LRP1: variants seen among roughly 807,000 people sequenced by gnomAD.
LRP1 encodes LDL receptor related protein 1.
In LRP1, 51 loss-of-function variants were observed where a neutral mutation model predicts 541.5. The observed-to-expected ratio is 0.09, with a 90% CI of 0.08 to 0.12. LRP1 has a LOEUF of 0.12. LRP1 is among the 10% of genes least tolerant of loss of function. The pLI is 1.00. For synonymous variants in LRP1, 2,219 were observed against 2,470.8 expected (o/e 0.90, Z 3.02); for missense variants, 3,878 against 6,376.2 (o/e 0.61, Z 13.34).
rs777916327 is a variant in LRP1, at chr12:57,154,394, G to A, written c.1004+24G>A. The A allele has an allele frequency of 5.6e-6, 9 of 1,602,572 alleles. No individual in the cohort carries two copies. Among genetic ancestry groups the A allele is most frequent in the Non-Finnish European group, 7.7e-6 (9 of 1,171,338 alleles). On this transcript the variant is annotated intron_variant, in intron 7 of 88. Coordinates refer to ENST00000243077, the MANE Select transcript of LRP1 (RefSeq NM_002332.3). This position sits in a 1 kb window ranked among gnomAD's most constrained non-coding sequence, Gnocchi z 4.6. ...GGGTGAGAGTGGCAGGCGGGGTTCT[G>A]GCCCTGGAAGGTGGGAGGCTGAGGC...
In LRP1 at chr12:57,211,059, C is replaced by A; in HGVS notation, c.12917-117C>A. On this transcript the variant is annotated intron_variant, in intron 83 of 88. Coordinates refer to ENST00000243077, the MANE Select transcript of LRP1 (RefSeq NM_002332.3). This position sits in a 1 kb window ranked among gnomAD's most constrained non-coding sequence, Gnocchi z 4.3. ...CCCCACAAAGGTGCTGGCACACTTC[C>A]CCTGAGGCAGTGCACCCCCTGCACC... 1.4e-6 allele frequency: 2 copies of A among 1,395,838 alleles called. No individual in the cohort carries two copies. The highest frequency in any genetic ancestry group is 9.8e-7 in the Non-Finnish European group (1 of 1,016,768). The allele number at this position is 1,395,838 out of a possible 1,614,324, so 86.5% of individuals were successfully genotyped here.
chr12:57,167,497 A>G lies in LRP1; in HGVS notation c.2968A>G (p.Ile990Val), dbSNP rs377020486. 1.9e-6 allele frequency: 3 copies of G among 1,614,014 alleles called. No homozygotes were observed. The highest frequency in any genetic ancestry group is 2.5e-6 in the Non-Finnish European group (3 of 1,179,986). Residue 990 changes from isoleucine (I) to valine (V), a missense_variant, in exon 19 of 89, where the codon ATC becomes GTC. Ile to Val is a conservative substitution (Grantham distance 29). This residue lies in a region of LRP1 where 320 missense variants were observed against 547.9 expected (regional missense o/e 0.58). Transcript: ENST00000243077. ...GTTTACCTGCAACAATGGCAGATGT[A>G]TCAACATCAACTGGAGATGCGACAA... ...TQFTCNNGRC[I>V]NINWRCDNDN... is the part of the protein sequence containing the mutation.
Position 57,158,211 on chromosome 12 carries a change from G to A in LRP1, c.1562-191G>A, listed in dbSNP as rs576825204. The stretch of plus-strand genomic sequence containing the variant: ...TGGAGTGCAGAGGTCAGACCCCAGG[G>A]TATTGCGGCCAGGACCCATCGTCCT... On this transcript the variant is annotated intron_variant, in intron 10 of 88. Transcript: ENST00000243077. This position sits in a 1 kb window ranked among gnomAD's most constrained non-coding sequence, Gnocchi z 5.3. 2.0e-5 allele frequency among the ~76,000 whole-genome samples: 3 copies of A among 152,166 alleles called. No individual in the cohort carries two copies. Among genetic ancestry groups the A allele is most frequent in the African/African-American group, 7.2e-5 (3 of 41,444 alleles).
chr12:57,210,246 T>C, intron 81 of LRP1, 61 bp from the exon 82 acceptor site: 1 of 1,548,578 alleles, frequency 6.5e-7, no homozygotes, highest in Non-Finnish European at 8.7e-7. Flanking sequence ...CCCCTGACCT[T>C]GTTGCCTGTC....
rs1489939002 is a variant in LRP1 at position 57,173,944 on chromosome 12, G to A, written c.3511G>A (p.Asp1171Asn). The change falls in exon 22 of 89, where the codon GAC (aspartate) becomes AAC (asparagine). Residue 1171 changes from aspartate to asparagine, a missense_variant. By Grantham distance (23) the Asp-to-Asn change is conservative. Around this residue, in one of 13 missense-constraint regions of LRP1, gnomAD observed 320 missense variants for 547.9 expected, o/e 0.58. Transcript: ENST00000243077. The surrounding 1 kb of genome is among the most constrained non-coding windows in gnomAD (Gnocchi z 4.7). ...PPDKLCDGND[D>N]CGDGSDEGEL... is the part of the protein sequence containing the mutation. ...TGACAAGCTGTGTGATGGCAACGAC[G>A]ACTGTGGCGACGGCTCAGATGAGGG... 11 of 1,614,092 alleles carry A rather than the reference G, an allele frequency of 6.8e-6. No individual in the cohort carries two copies. The highest frequency in any genetic ancestry group is 1.6e-4 in the Middle Eastern group (1 of 6,084).
chr12:57,210,326 T>G lies in LRP1; in HGVS notation c.12600T>G (p.Cys4200Trp). 1 of 1,566,718 alleles carries G rather than the reference T, an allele frequency of 6.4e-7. No individual in the cohort carries two copies. The highest frequency in any genetic ancestry group is 1.4e-5 in the African/African-American group (1 of 73,782). ...CTGCAGCTCCCCGGCCTGGAACCTG[T>G]AACCTGCAGTGCTTCAACGGTGGCA... ...PPPDAPRPGT[C>W]NLQCFNGGSC... Residue 4200 changes from cysteine (C) to tryptophan (W), a missense_variant, in exon 82 of 89, where the codon TGT becomes TGG. By Grantham distance (215) the Cys-to-Trp change is radical. Transcript: ENST00000243077.
chr12:57,192,589 A>G (rs1299629467), intron 44 of LRP1, among the ~76,000 whole-genome samples: 1 of 152,112 alleles, frequency 6.6e-6, no homozygotes, highest in East Asian at 1.9e-4. Flanking sequence ...TCTCTCAGAA[A>G]CACTCCTCAA....
At chr12:57,191,611 C>A in intron 44 of LRP1, 99 bp downstream of exon 44, 3 of 1,030,248 alleles carry the variant, frequency 2.9e-6, no homozygotes, top group South Asian at 1.5e-5. Flanking sequence ...CACACGCACC[C>A]TACACATACC....
In LRP1 at chr12:57,197,376, C is replaced by G; in HGVS notation, c.9154C>G (p.Leu3052Val). The G allele has an allele frequency of 6.2e-7, 1 of 1,612,730 alleles. No individual in the cohort carries two copies. The highest frequency in any genetic ancestry group is 8.5e-7 in the Non-Finnish European group (1 of 1,179,056). ...CCTGGACGGGTCCAACTACACGTTA[C>G]TTAAGCAGGTACCAAACCCAGGCCC... ...LNLDGSNYTL[L>V]KQGLNNAVAL... Residue 3052 changes from leucine (L) to valine (V), a missense_variant, in exon 57 of 89, where the codon CTT becomes GTT. By Grantham distance (32) the Leu-to-Val change is conservative. Around this residue, in one of 13 missense-constraint regions of LRP1, gnomAD observed 1,100 missense variants for 1,827.4 expected, o/e 0.60. Coordinates refer to ENST00000243077, the MANE Select transcript of LRP1 (RefSeq NM_002332.3). The surrounding 1 kb of genome is among the most constrained non-coding windows in gnomAD (Gnocchi z 4.5).
In LRP1 at chr12:57,158,272, C is replaced by A; in HGVS notation, c.1562-130C>A. ...GTGTGCGTGGTCTGTCCATCTGACC[C>A]AGAGCCTCGCATCCCTAACGTCTCC... On this transcript the variant is annotated intron_variant, in intron 10 of 88. Transcript: ENST00000243077. This position sits in a 1 kb window ranked among gnomAD's most constrained non-coding sequence, Gnocchi z 5.3. 1.3e-6 allele frequency: 1 copy of A among 753,176 alleles called. No homozygotes were observed. Among genetic ancestry groups the A allele is most frequent in the Non-Finnish European group, 2.2e-6 (1 of 447,318 alleles). The allele number at this position is 753,176 out of a possible 1,614,324, so 46.7% of individuals were successfully genotyped here. A position where few individuals can be genotyped will look rare whatever the true frequency, so the allele number is the denominator to read the frequency against.
In LRP1 at chr12:57,178,720, G is replaced by A. The variant is rs2036099608; in HGVS notation, c.4606+117G>A. ...ACAGGAGCAAGTCTGTGCTGGGATG[G>A]CAGGGGTAGGCCGGCTGTTGACAGA... On this transcript the variant is annotated intron_variant, in intron 27 of 88. Transcript: ENST00000243077. The surrounding 1 kb of genome is among the most constrained non-coding windows in gnomAD (Gnocchi z 5.8). 1 of 1,537,366 alleles carries A rather than the reference G, an allele frequency of 6.5e-7. No individual in the cohort carries two copies. The highest frequency in any genetic ancestry group is 1.8e-5 in the Admixed American group (1 of 55,662).
chr12:57,195,398 C>T lies in LRP1; in HGVS notation c.8436C>T (p.Cys2812=), dbSNP rs1277831322. 1 of 1,605,402 alleles carries T rather than the reference C, an allele frequency of 6.2e-7. No individual in the cohort carries two copies. The highest frequency in any genetic ancestry group is 8.5e-7 in the Non-Finnish European group (1 of 1,179,238). Reference sequence around the variant, plus strand: ...CAGACGAGAGCATCGCAGCTGGTTGCTGTGAGTGGCGGGGCCACGTGGAGC... The same window carrying T: ...CAGACGAGAGCATCGCAGCTGGTTGTTGTGAGTGGCGGGGCCACGTGGAGC... ...DGADESIAAG[C]LYNSTCDDRE... is the part of the protein sequence containing the mutation. The change falls in exon 52 of 89, where the codon TGC becomes TGT. Residue 2812 remains cysteine (C), a splice_region_variant and synonymous_variant. Coordinates refer to ENST00000243077, the MANE Select transcript of LRP1 (RefSeq NM_002332.3).
At position 57,195,794 on chromosome 12, in the gene LRP1, G is replaced by A. The variant is rs7979768; in HGVS notation, c.8560+14G>A. On this transcript the variant is annotated intron_variant, in intron 53 of 88. Transcript: ENST00000243077. ...CCCCCGAGTGTGGTGAGCCTTCGGCGGTGGTGGGAGGAGGCCCTGCCCTCT... is the reference window on the plus strand; with the variant it reads ...CCCCCGAGTGTGGTGAGCCTTCGGCAGTGGTGGGAGGAGGCCCTGCCCTCT... 1.1e-4 allele frequency: 184 copies of A among 1,614,124 alleles called. No individual in the cohort carries two copies. The highest frequency in any genetic ancestry group is 1.4e-4 in the Non-Finnish European group (162 of 1,180,012).
intron 76 of LRP1, among the ~76,000 whole-genome samples, chr12:57,207,237 G>A (rs1264818171): frequency 7.7e-6 from 1 of 130,436 alleles, no homozygotes; most frequent in Non-Finnish European, 1.6e-5. Flanking sequence ...AGTGAGACTC[G>A]GTCTCTAAAT....
At position 57,201,152 on chromosome 12, in the gene LRP1, C is replaced by T. The variant is rs1206863492; in HGVS notation, c.10344C>T (p.Cys3448=). The change falls in exon 65 of 89, where the codon TGC becomes TGT. Residue 3448 remains cysteine, a splice_region_variant and synonymous_variant. Transcript: ENST00000243077. The surrounding 1 kb of genome is among the most constrained non-coding windows in gnomAD (Gnocchi z 6.4). ...GAGATGGGGAGGATGAGAGGGACTG[C>T]CGTGAGTGTCAGAGGTGGTGGTGGG... The part of the protein sequence containing the change: ...NCGDGEDERD[C]PEVTCAPNQF... 2 of 1,614,014 alleles carry T rather than the reference C, an allele frequency of 1.2e-6. No homozygotes were observed. Among genetic ancestry groups the T allele is most frequent in the Admixed American group, 1.7e-5 (1 of 60,010 alleles).
chr12:57,163,964 A>G (rs2035790015), intron 15 of LRP1, among the ~76,000 whole-genome samples: 1 of 152,198 alleles, frequency 6.6e-6, no homozygotes, highest in Non-Finnish European at 1.5e-5. Flanking sequence ...TGAGGTCAGG[A>G]GTTCGAGACC....
In LRP1 at chr12:57,142,330, G is replaced by A. The variant is rs554302114; in HGVS notation, c.328+819G>A. 1.1e-4 allele frequency among the ~76,000 whole-genome samples: 16 copies of A among 152,264 alleles called. 1 individual carries two copies. In the South Asian group the frequency reaches 3.1e-3, roughly 30 times the overall value. On this transcript the variant is annotated intron_variant, in intron 3 of 88. Coordinates refer to ENST00000243077, the MANE Select transcript of LRP1 (RefSeq NM_002332.3). The stretch of plus-strand genomic sequence containing the variant: ...GAGAGGCCATGAGCGTAGCCCTAGG[G>A]GAGGGGCTGTGCTTGGGTGTGGGGG...
Position 57,201,022 on chromosome 12 carries a change from C to T in LRP1, c.10226-12C>T, listed in dbSNP as rs1290634699. 6.2e-7 allele frequency: 1 copy of T among 1,614,082 alleles called. No individual in the cohort carries two copies. The highest frequency in any genetic ancestry group is 1.1e-5 in the South Asian group (1 of 91,040). On this transcript the variant is annotated splice_polypyrimidine_tract_variant and intron_variant, in intron 64 of 88. Coordinates refer to ENST00000243077, the MANE Select transcript of LRP1 (RefSeq NM_002332.3). The surrounding 1 kb of genome is among the most constrained non-coding windows in gnomAD (Gnocchi z 6.4). ...TCCCTTCGCCACGAATCACCTCCTC[C>T]TCCCTCCACAGACATCCACGTCTGC...
chr12:57,205,728 G>A lies in LRP1; in HGVS notation c.11590+51G>A. On this transcript the variant is annotated intron_variant, in intron 75 of 88. Coordinates refer to ENST00000243077, the MANE Select transcript of LRP1 (RefSeq NM_002332.3). This position sits in a 1 kb window ranked among gnomAD's most constrained non-coding sequence, Gnocchi z 4.6. ...AGGCTGGGTGGGGCAGGGCGACCAG[G>A]ATATCAAACGGGGCCGACTTGGAAT... is the stretch of plus-strand genomic sequence containing the variant. 6.3e-7 allele frequency: 1 copy of A among 1,595,516 alleles called. No individual in the cohort carries two copies. The highest frequency in any genetic ancestry group is 8.5e-7 in the Non-Finnish European group (1 of 1,175,924).
Sources: allele counts gnomAD v4.1 joint callset (sites outside exome capture counted in the v4.1 genomes callset), GRCh38; gene constraint gnomAD v4.1.1; regional missense constraint gnomAD v4.1.1; non-coding constraint Gnocchi (gnomAD v3.1); transcripts MANE v1.5; gene names NCBI Gene and HGNC (gene_info 2026-07-23, HGNC 2026-07-21).